NLRP5: variants seen among roughly 807,000 people sequenced by gnomAD.
NLRP5 encodes NLR family pyrin domain containing 5, also known as NACHT, LRR and PYD domains-containing protein 5.
In NLRP5, 93 loss-of-function variants were observed where a neutral mutation model predicts 113.1. The observed-to-expected ratio is 0.82, with a 90% CI of 0.70 to 0.98. NLRP5 has a LOEUF of 0.98. Among genes scored for constraint, NLRP5 ranks in the 50% least tolerant of loss-of-function variants. The probability of loss-of-function intolerance (pLI) is 0.00; values close to 1 mark genes in which losing one functional copy is unlikely to be tolerated. For missense variants in NLRP5, 1,808 were observed against 1,514.3 expected (o/e 1.19, Z -3.22); for synonymous variants, 751 against 600.7 (o/e 1.25, Z -3.66).
chr19:56,000,748 C>T (rs530231514), intron 1 of NLRP5, among the ~76,000 whole-genome samples: 1 of 150,752 alleles, frequency 6.6e-6, no homozygotes, highest in Admixed American at 6.6e-5. Flanking sequence ...TGGCTCACGC[C>T]TATAATCTCA....
In NLRP5 at chr19:56,020,288, A is replaced by G. The variant is rs199475770; in HGVS notation, c.623-87A>G. Reference sequence around the variant, plus strand: ...GTTTTCAACTGGCCAGAAAATAAATATGGCATGACTAAGCTTATCTTGGGG... The same window carrying G: ...GTTTTCAACTGGCCAGAAAATAAATGTGGCATGACTAAGCTTATCTTGGGG... On this transcript the variant is annotated intron_variant, in intron 5 of 14. Transcript: ENST00000390649. 450 of 1,503,698 alleles carry G rather than the reference A, an allele frequency of 3.0e-4. 5 individuals carry two copies. In the East Asian group the frequency reaches 9.4e-3, roughly 31 times the overall value. 93.1% of individuals were successfully genotyped at this position (1,503,698 alleles called of 1,614,324 possible). A position where few individuals can be genotyped will look rare whatever the true frequency, so the allele number is the denominator to read the frequency against.
chr19:55,990,718 G>A, the NLRP5 span, among the ~76,000 whole-genome samples: 6 of 152,176 alleles, frequency 3.9e-5, no homozygotes, highest in East Asian at 5.8e-4. Flanking sequence ...CCAGCTACTC[G>A]GGAGGCTGAG....
intron 13 of NLRP5, among the ~76,000 whole-genome samples, chr19:56,055,533 CTG>C (rs71847115): frequency 0.19 from 19,129 of 99,416 alleles, 1,915 homozygotes; most frequent in South Asian, 0.22. Context: ...TTTTCTTTCT[CTG>C]TCTTTTTTTT....
chr19:56,037,894 G>T (rs1031006508), intron 9 of NLRP5, 131 bp from the exon 10 acceptor site: 3 of 864,148 alleles, frequency 3.5e-6, no homozygotes, highest in Non-Finnish European at 3.6e-6. Flanking sequence ...AACTTCTCAG[G>T]CCCGGAGGCA....
At chr19:55,987,587 T>G in the NLRP5 span, among the ~76,000 whole-genome samples, 1 of 152,192 alleles carries the variant, frequency 6.6e-6, no homozygotes, top group Non-Finnish European at 1.5e-5. Flanking sequence ...ATAAGTTAAA[T>G]GGCTTGCCTG....
the NLRP5 span, among the ~76,000 whole-genome samples, chr19:55,992,562 A>G: frequency 2.0e-5 from 3 of 152,244 alleles, no homozygotes; most frequent in South Asian, 6.2e-4. Flanking sequence ...GACACGTAAC[A>G]TTCTTATGGG....
chr19:56,026,041 A>C (rs1982830816), intron 6 of NLRP5, among the ~76,000 whole-genome samples: 2 of 152,176 alleles, frequency 1.3e-5, no homozygotes, highest in Non-Finnish European at 2.9e-5. Context: ...AAAAAGGGAC[A>C]TCGGGTTGAA....
chr19:56,027,083 C>G lies in NLRP5; in HGVS notation c.850C>G (p.Leu284Val). ...GGGCTTCCGGCCTCGCACGGTGGTTCTGCACGGAAAGTCAGGAATTGGGAA... is the reference window on the plus strand; with the variant it reads ...GGGCTTCCGGCCTCGCACGGTGGTTGTGCACGGAAAGTCAGGAATTGGGAA... The change falls in exon 7 of 15, where the codon CTG (leucine) becomes GTG (valine). Residue 284 changes from leucine (L) to valine (V), a missense_variant. Coordinates refer to ENST00000390649, the MANE Select transcript of NLRP5 (RefSeq NM_153447.4). 4 of 1,563,948 alleles carry G rather than the reference C, an allele frequency of 2.6e-6. No individual in the cohort carries two copies. The South Asian group carries it at 4.7e-5, about 18-fold the overall frequency.
At chr19:56,009,367 G>A (rs902798272) in intron 3 of NLRP5, among the ~76,000 whole-genome samples, 2 of 91,244 alleles carry the variant, frequency 2.2e-5, no homozygotes, top group African/African-American at 4.2e-5. Flanking sequence ...AAAGAGTTCT[G>A]TGGTCTTCAG....
intron 7 of NLRP5, among the ~76,000 whole-genome samples, chr19:56,029,349 C>G (rs888264870): frequency 2.0e-5 from 3 of 152,184 alleles, no homozygotes; most frequent in African/African-American, 7.2e-5. Flanking sequence ...TCACTGCAAT[C>G]TCTGCCTCCC....
chr19:56,020,860 C>A (rs895766278), intron 6 of NLRP5, among the ~76,000 whole-genome samples: 1 of 149,376 alleles, frequency 6.7e-6, no homozygotes, highest in Admixed American at 6.7e-5. Flanking sequence ...AAAAACATGT[C>A]TTGCCTTCGT....
At chr19:56,038,300 A>C in intron 10 of NLRP5, 105 bp downstream of exon 10, 1 of 1,268,334 alleles carries the variant, frequency 7.9e-7, no homozygotes, top group Non-Finnish European at 1.1e-6. Context: ...AGATGTACAA[A>C]CCAGGGGTGA....
At chr19:56,015,494 C>A (rs561389284) in intron 3 of NLRP5, among the ~76,000 whole-genome samples, 1 of 152,302 alleles carries the variant, frequency 6.6e-6, no homozygotes, top group African/African-American at 2.4e-5. Flanking sequence ...CTGTGCCTGG[C>A]ATTGTTCATT....
At chr19:56,045,072 C>G (rs1983672583) in intron 11 of NLRP5, among the ~76,000 whole-genome samples, 2 of 152,174 alleles carry the variant, frequency 1.3e-5, no homozygotes, top group Non-Finnish European at 2.9e-5. Context: ...TGTATCTGGA[C>G]ACTTGAATTA....
intron 7 of NLRP5, among the ~76,000 whole-genome samples, chr19:56,030,796 C>A (rs937477528): frequency 7.1e-6 from 1 of 141,138 alleles, no homozygotes; most frequent in African/African-American, 2.7e-5. Flanking sequence ...CTCACTGCAA[C>A]CTCCACCTCC....
At chr19:56,008,029 T>C (rs182965010) in intron 2 of NLRP5, among the ~76,000 whole-genome samples, 35,925 of 113,680 alleles carry the variant, frequency 0.32, 7,983 homozygotes, top group Non-Finnish European at 0.38. Flanking sequence ...CCCGGGTTCG[T>C]GCCATTCTCC....
intron 14 of NLRP5, among the ~76,000 whole-genome samples, chr19:56,058,918 G>A (rs2123347293): frequency 6.6e-6 from 1 of 152,284 alleles, no homozygotes; most frequent in South Asian, 2.1e-4. Context: ...CATGCTACAT[G>A]ATGGAATCTT....
chr19:56,026,956 C>A lies in NLRP5; in HGVS notation c.723C>A (p.Thr241=), dbSNP rs899497393. 5 of 1,551,666 alleles carry A rather than the reference C, an allele frequency of 3.2e-6. No individual in the cohort carries two copies. The highest frequency in any genetic ancestry group is 3.5e-6 in the Non-Finnish European group (4 of 1,146,980). ...GGGACTACAAGAGTCACGTGATGACCAAATTCGCTGAGGAGGAGGATGTAC... is the reference window on the plus strand; with the variant it reads ...GGGACTACAAGAGTCACGTGATGACAAAATTCGCTGAGGAGGAGGATGTAC... Residue 241 remains threonine, a synonymous_variant, in exon 7 of 15, where the codon ACC becomes ACA. Transcript: ENST00000390649.
chr19:56,053,008 A>G (rs1021258119), intron 12 of NLRP5, among the ~76,000 whole-genome samples: 1 of 151,592 alleles, frequency 6.6e-6, no homozygotes, highest in Non-Finnish European at 1.5e-5. Flanking sequence ...GAGGCAGGAG[A>G]ATTGCTTGAA....
Sources: gnomAD v4.1 joint callset for allele counts (sites outside exome capture counted in the v4.1 genomes callset) on GRCh38, gnomAD v4.1.1 for gene constraint, MANE v1.5 for transcripts, NCBI Gene and HGNC (gene_info 2026-07-23, HGNC 2026-07-21) for gene names.